DDX49: variants seen among roughly 807,000 people sequenced by gnomAD.
DDX49 encodes DEAD-box helicase 49.
In DDX49, 50 loss-of-function variants were observed where a neutral mutation model predicts 56.3. The ratio of observed to expected loss-of-function variants is 0.89; its 90% confidence interval spans 0.71 to 1.12. DDX49 has a LOEUF of 1.12. Among genes scored for constraint, DDX49 ranks in the 50% most tolerant of loss-of-function variants. DDX49 has a pLI of 0.00. For missense variants in DDX49, 614 were observed against 650.5 expected, an observed-to-expected ratio of 0.94 and a Z score of 0.61; for synonymous variants, 269 against 270.6, an observed-to-expected ratio of 0.99 and a Z score of 0.06.
At chr19:18,924,454 C>T in intron 7 of DDX49, 146 bp downstream of exon 7, 8 of 1,080,962 alleles carry the variant, frequency 7.4e-6, no homozygotes, top group Non-Finnish European at 9.7e-6. Flanking sequence ...AAGAGGCCCT[C>T]CCTGACCGCA....
intron 10 of DDX49, among the ~76,000 whole-genome samples, 176 bp from the exon 11 acceptor site, chr19:18,927,590 C>A (rs1008044803): frequency 6.6e-6 from 1 of 152,038 alleles, no homozygotes. Flanking sequence ...TGAAAGACAG[C>A]GGTCCATACC....
intron 10 of DDX49, among the ~76,000 whole-genome samples, chr19:18,927,007 A>G (rs2056966223): frequency 6.7e-6 from 1 of 149,626 alleles, no homozygotes; most frequent in South Asian, 2.1e-4. Context: ...CGGGAGGCAA[A>G]GGTTGCAGTG....
chr19:18,924,033 C>T (rs944920446), intron 6 of DDX49, among the ~76,000 whole-genome samples, 200 bp from the exon 7 acceptor site: 7 of 152,060 alleles, frequency 4.6e-5, no homozygotes, highest in Admixed American at 3.3e-4. Context: ...GTCTTGAACT[C>T]CTGGCCTCAA....
rs531164145 is a variant in DDX49, at chr19:18,919,753, C to A, written c.12C>A (p.Phe4Leu). The change falls in exon 1 of 13, where the codon TTC becomes TTA. Residue 4 changes from phenylalanine (F) to leucine (L), a missense_variant. By Grantham distance (22) the Phe-to-Leu change is conservative (BLOSUM62 0). Coordinates refer to ENST00000247003, the MANE Select transcript of DDX49 (RefSeq NM_019070.5). MAG[F>L]AELGLSSWLV... ...AAGCGGCCACAAGGATGGCAGGCTT[C>A]GCGGAGCTCGGGCTGTCATCGTGGC... 2 of 1,610,208 alleles carry A rather than the reference C, an allele frequency of 1.2e-6. No homozygotes were observed. Among genetic ancestry groups the A allele is most frequent in the Non-Finnish European group, 1.7e-6 (2 of 1,177,112 alleles).
Position 18,919,727 on chromosome 19 carries a change from C to A in DDX49, c.-15C>A, listed in dbSNP as rs779233503. Reference sequence around the variant, plus strand: ...CACGGGCCCCTACAAGGGGCCCCTACAAGCGGCCACAAGGATGGCAGGCTT... The same window carrying A: ...CACGGGCCCCTACAAGGGGCCCCTAAAAGCGGCCACAAGGATGGCAGGCTT... On this transcript the variant is annotated 5_prime_UTR_variant, in exon 1 of 13. Transcript: ENST00000247003. 6.2e-7 allele frequency: 1 copy of A among 1,604,720 alleles called. No homozygotes were observed. The highest frequency in any genetic ancestry group is 8.5e-7 in the Non-Finnish European group (1 of 1,173,196).
At chr19:18,923,785 C>T (rs149235186) in intron 6 of DDX49, among the ~76,000 whole-genome samples, 101 of 151,232 alleles carry the variant, frequency 6.7e-4, no homozygotes, top group African/African-American at 2.1e-3. Flanking sequence ...GCAGGCAAGC[C>T]GTCTGTCAAC....
intron 2 of DDX49, among the ~76,000 whole-genome samples, chr19:18,921,371 G>A (rs1253734081): frequency 6.6e-6 from 1 of 152,178 alleles, no homozygotes; most frequent in Non-Finnish European, 1.5e-5. Context: ...GCAACTGGCT[G>A]GTGGTGAGGC....
chr19:18,927,244 A>C (rs531542432), intron 10 of DDX49, among the ~76,000 whole-genome samples: 40 of 152,054 alleles, frequency 2.6e-4, no homozygotes, highest in African/African-American at 8.9e-4. Flanking sequence ...AAAAATATAG[A>C]AACTAGCAGC....
intron 9 of DDX49, among the ~76,000 whole-genome samples, chr19:18,925,554 C>T (rs1163738163): frequency 6.6e-6 from 1 of 152,092 alleles, no homozygotes; most frequent in East Asian, 1.9e-4. Context: ...GACTCTGTCT[C>T]AAAAAATAAT....
chr19:18,922,792 G>A lies in DDX49; in HGVS notation c.776+48G>A, dbSNP rs751432860. The stretch of plus-strand genomic sequence containing the variant: ...CTCCCACCGCCCTTCAAAGGAGGAG[G>A]TGGCCCGACGTCTTTGGTCTGGGAC... On this transcript the variant is annotated intron_variant, in intron 6 of 12. Coordinates refer to ENST00000247003, the MANE Select transcript of DDX49 (RefSeq NM_019070.5). 4 of 1,591,006 alleles carry A rather than the reference G, an allele frequency of 2.5e-6. No homozygotes were observed. In the South Asian group the frequency reaches 4.5e-5, roughly 18 times the overall value.
Position 18,927,946 on chromosome 19 carries a change from C to T in DDX49, c.1192-19C>T. On this transcript the variant is annotated intron_variant, in intron 11 of 12. Coordinates refer to ENST00000247003, the MANE Select transcript of DDX49 (RefSeq NM_019070.5). ...GGCCCCCGTGACCAGCATCTCCTTA[C>T]CCCACTTCCCTCCACCAGAAACTGG... is the stretch of plus-strand genomic sequence containing the variant. 1 of 1,613,988 alleles carries T rather than the reference C, an allele frequency of 6.2e-7. No individual in the cohort carries two copies. Among genetic ancestry groups the T allele is most frequent in the Non-Finnish European group, 8.5e-7 (1 of 1,180,002 alleles).
At position 18,922,453 on chromosome 19, in the gene DDX49, C is replaced by T. The variant is rs2056925911; in HGVS notation, c.575C>T (p.Thr192Ile). 1 of 1,604,474 alleles carries T rather than the reference C, an allele frequency of 6.2e-7. No individual in the cohort carries two copies. The highest frequency in any genetic ancestry group is 8.5e-7 in the Non-Finnish European group (1 of 1,178,038). Residue 192 changes from threonine to isoleucine, a missense_variant, in exon 5 of 13, where the codon ACA becomes ATA. By Grantham distance (89) the Thr-to-Ile change is moderately conservative. Coordinates refer to ENST00000247003, the MANE Select transcript of DDX49 (RefSeq NM_019070.5). ...CTGTTCAGCGCCACGCTGACCGACA[C>T]ACTCCGGGAGCTGCAGGGTCTGGCC... is the stretch of plus-strand genomic sequence containing the variant. ...TLLFSATLTDTLRELQGLATN... is the reference protein window; with the variant it reads ...TLLFSATLTDILRELQGLATN...
chr19:18,920,889 C>A, intron 2 of DDX49, 186 bp downstream of exon 2: 1 of 480,752 alleles, frequency 2.1e-6, no homozygotes, highest in Non-Finnish European at 3.5e-6. Flanking sequence ...ACCTGTAATC[C>A]CAGCACTTTG....
intron 1 of DDX49, 50 bp downstream of exon 1, chr19:18,919,906 C>T (rs763773543): frequency 3.6e-6 from 5 of 1,370,690 alleles, no homozygotes; most frequent in Middle Eastern, 1.8e-4. Flanking sequence ...CTCCTCTCGA[C>T]TCCTTTCCCT....
chr19:18,924,386 C>T, intron 7 of DDX49, 78 bp downstream of exon 7: 3 of 1,453,180 alleles, frequency 2.1e-6, no homozygotes, highest in Non-Finnish European at 2.9e-6. Context: ...ATCCTTCCTT[C>T]TGCCGGGCGC....
intron 9 of DDX49, among the ~76,000 whole-genome samples, chr19:18,925,753 C>T (rs2056956064): frequency 6.6e-6 from 1 of 152,138 alleles, no homozygotes; most frequent in African/African-American, 2.4e-5. Flanking sequence ...CCATGAGATG[C>T]TGTCAGTTCT....
At chr19:18,923,550 G>T (rs978267456) in intron 6 of DDX49, among the ~76,000 whole-genome samples, 1 of 152,076 alleles carries the variant, frequency 6.6e-6, no homozygotes, top group Non-Finnish European at 1.5e-5. Flanking sequence ...TTGGCTGCAG[G>T]GTGGCTGTCA....
In DDX49 at chr19:18,922,460, G is replaced by T. The variant is rs2056926053; in HGVS notation, c.582G>T (p.Arg194=). The T allele has an allele frequency of 6.2e-7, 1 of 1,602,886 alleles. No homozygotes were observed. Among genetic ancestry groups the T allele is most frequent in the Non-Finnish European group, 8.5e-7 (1 of 1,177,534 alleles). Residue 194 remains arginine (R), a synonymous_variant, in exon 5 of 13, where the codon CGG becomes CGT. Transcript: ENST00000247003. The stretch of plus-strand genomic sequence containing the variant: ...GCGCCACGCTGACCGACACACTCCG[G>T]GAGCTGCAGGGTCTGGCCACCAACC... The part of the protein sequence containing the change: ...LFSATLTDTL[R]ELQGLATNQP...
chr19:18,921,898 G>C lies in DDX49; in HGVS notation c.381G>C (p.Thr127=), dbSNP rs778780637. The part of the protein sequence containing the change: ...LSRKPHVVIA[T]PGRLADHLRS... Reference sequence around the variant, plus strand: ...GGAAACCACACGTGGTCATCGCCACGCCGGGGCGCCTGGCAGATCACCTGC... The same window carrying C: ...GGAAACCACACGTGGTCATCGCCACCCCGGGGCGCCTGGCAGATCACCTGC... Residue 127 remains threonine (T), a synonymous_variant, in exon 4 of 13, where the codon ACG becomes ACC. Transcript: ENST00000247003. The C allele has an allele frequency of 6.2e-7, 1 of 1,613,904 alleles. No homozygotes were observed.
Sources: allele counts gnomAD v4.1 joint callset (sites outside exome capture counted in the v4.1 genomes callset), GRCh38; gene constraint gnomAD v4.1.1; transcripts MANE v1.5; gene names NCBI Gene and HGNC (gene_info 2026-07-23, HGNC 2026-07-21).